Variants in VPS13B observed in about 807,000 individuals in gnomAD.
VPS13B encodes the protein vacuolar protein sorting 13 homolog B.
VPS13B carries 285 observed loss-of-function variants against 426.4 expected under a neutral mutation model. The observed-to-expected ratio is 0.67, with a 90% CI of 0.61 to 0.74. VPS13B has a LOEUF of 0.74. Among genes scored for constraint, VPS13B ranks in the 30% least tolerant of loss-of-function variants. VPS13B has a pLI of 0.00. For missense variants in VPS13B, 4,537 were observed against 4,782.6 expected (o/e 0.95, Z 1.51); for synonymous variants, 1,676 against 1,676.4 (o/e 1.00, Z 0.01).
intron 21 of VPS13B, among the ~76,000 whole-genome samples, chr8:99,428,848 C>T (rs1233501010): frequency 3.9e-5 from 6 of 151,964 alleles, no homozygotes; most frequent in Admixed American, 2.0e-4. Flanking sequence ...TATTGCGGCA[C>T]TATTCACAAT....
chr8:99,236,539 C>T (rs1279943528), intron 17 of VPS13B, among the ~76,000 whole-genome samples: 2 of 152,144 alleles, frequency 1.3e-5, no homozygotes, highest in African/African-American at 2.4e-5. Context: ...CATGAACTAC[C>T]GTGCCTGACC....
chr8:99,272,082 A>G (rs1818636807), intron 17 of VPS13B, among the ~76,000 whole-genome samples: 3 of 152,176 alleles, frequency 2.0e-5, no homozygotes. Context: ...CTTCTTGAAT[A>G]CCCTAGAGTT....
chr8:99,106,581 A>G (rs1588043697), intron 5 of VPS13B, among the ~76,000 whole-genome samples: 2 of 152,166 alleles, frequency 1.3e-5, no homozygotes, highest in East Asian at 3.8e-4. Flanking sequence ...TGCTTGTTGT[A>G]CATATACTCA....
At chr8:99,230,200 G>GA (rs1419889284) in intron 17 of VPS13B, among the ~76,000 whole-genome samples, 1 of 151,956 alleles carries the variant, frequency 6.6e-6, no homozygotes, top group African/African-American at 2.4e-5. Flanking sequence ...TCATAGCTCT[G>GA]AAAAAAGTAA....
chr8:99,784,410 T>C lies in VPS13B; in HGVS notation c.7875T>C (p.Asp2625=). 1 of 1,613,774 alleles carries C rather than the reference T, an allele frequency of 6.2e-7. No individual in the cohort carries two copies. The highest frequency in any genetic ancestry group is 8.5e-7 in the Non-Finnish European group (1 of 1,179,722). ...TGCGGTTTGGCCAGGTGGATACTGA[T>C]GAAAATATTCTGCTGGCGAGTCTCC... is the stretch of plus-strand genomic sequence containing the variant. The part of the protein sequence containing the change: ...ETLRFGQVDT[D]ENILLASLHS... Residue 2625 remains aspartate (D), a synonymous_variant, in exon 43 of 62, where the codon GAT becomes GAC. Coordinates refer to ENST00000357162, the MANE Select transcript of VPS13B (RefSeq NM_152564.5).
At chr8:99,515,589 A>T (rs576434080) in intron 29 of VPS13B, among the ~76,000 whole-genome samples, 1 of 152,184 alleles carries the variant, frequency 6.6e-6, no homozygotes, top group African/African-American at 2.4e-5. Context: ...TGGAAAACAT[A>T]ATTTCTTTTG....
rs754404502 is a variant in VPS13B at position 99,875,422 on chromosome 8, A to T, written c.11750A>T (p.Asp3917Val). ...TTTATTATTTTTGGATCCTAGGTAG[A>T]TGGAGTCCGAGAGAGACTGTCAGAG... is the stretch of plus-strand genomic sequence containing the variant. ...QPRVACDVEV[D>V]GVRERLSEQQ... is the part of the protein sequence containing the mutation. The change falls in exon 62 of 62, where the codon GAT becomes GTT. Residue 3917 changes from aspartate (D) to valine (V), a missense_variant. Coordinates refer to ENST00000357162, the MANE Select transcript of VPS13B (RefSeq NM_152564.5). 19 of 1,614,060 alleles carry T rather than the reference A, an allele frequency of 1.2e-5. No individual in the cohort carries two copies. In the South Asian group the frequency reaches 1.5e-4, roughly 13 times the overall value.
chr8:99,160,836 C>T (rs1166797722), intron 15 of VPS13B, among the ~76,000 whole-genome samples: 1 of 152,088 alleles, frequency 6.6e-6, no homozygotes, highest in African/African-American at 2.4e-5. Context: ...TTTTAGATCA[C>T]CTGCAGGTGT....
At chr8:99,254,037 C>G (rs941703779) in intron 17 of VPS13B, among the ~76,000 whole-genome samples, 1 of 152,130 alleles carries the variant, frequency 6.6e-6, no homozygotes, top group African/African-American at 2.4e-5. Flanking sequence ...TCATGGAGAA[C>G]CATATCAGAT....
At chr8:99,808,502 G>A (rs1813523132) in intron 43 of VPS13B, among the ~76,000 whole-genome samples, 1 of 132,394 alleles carries the variant, frequency 7.6e-6, no homozygotes, top group Non-Finnish European at 1.6e-5. Context: ...GCAACAGAGC[G>A]AGACTCAAAA....
chr8:99,764,018 G>T (rs1811077545), intron 39 of VPS13B, among the ~76,000 whole-genome samples: 1 of 152,206 alleles, frequency 6.6e-6, no homozygotes, highest in African/African-American at 2.4e-5. Flanking sequence ...ATTTAGGAAA[G>T]AAAGGTTAGG....
At chr8:99,274,854 C>T (rs906518448) in intron 18 of VPS13B, among the ~76,000 whole-genome samples, 59 of 151,818 alleles carry the variant, frequency 3.9e-4, no homozygotes, top group African/African-American at 1.3e-3. Context: ...TTAGTTGTTT[C>T]CTTTTATAAG....
intron 16 of VPS13B, among the ~76,000 whole-genome samples, chr8:99,185,056 G>A (rs865947236): frequency 1.3e-5 from 2 of 152,318 alleles, no homozygotes; most frequent in Middle Eastern, 6.8e-3. Context: ...CACTGCTGAC[G>A]AATGTGAAAA....
intron 3 of VPS13B, among the ~76,000 whole-genome samples, chr8:99,087,199 T>A (rs1476460848): frequency 6.6e-6 from 1 of 152,124 alleles, no homozygotes; most frequent in Admixed American, 6.5e-5. Flanking sequence ...TGCAGTTTGA[T>A]CTCAGACTGC....
intron 42 of VPS13B, among the ~76,000 whole-genome samples, chr8:99,782,263 G>A (rs1005780921): frequency 4.6e-5 from 7 of 151,696 alleles, no homozygotes; most frequent in Middle Eastern, 3.4e-3. Flanking sequence ...CAAAGTTTTC[G>A]TTTGTTTATT....
At chr8:99,469,810 G>A (rs1819304749) in intron 24 of VPS13B, among the ~76,000 whole-genome samples, 1 of 152,096 alleles carries the variant, frequency 6.6e-6, no homozygotes, top group South Asian at 2.1e-4. Flanking sequence ...AATGTGACTG[G>A]TATCCTTATA....
At chr8:99,285,355 A>C (rs1203431242) in intron 19 of VPS13B, among the ~76,000 whole-genome samples, 1 of 152,170 alleles carries the variant, frequency 6.6e-6, no homozygotes, top group Non-Finnish European at 1.5e-5. Context: ...AGTTTCCCTC[A>C]TTTATATAGC....
intron 17 of VPS13B, among the ~76,000 whole-genome samples, chr8:99,264,182 T>TGA (rs1818187574): frequency 6.6e-6 from 1 of 151,972 alleles, no homozygotes; most frequent in Admixed American, 6.6e-5. Context: ...TTCAGGTGTG[T>TGA]GAGATAATTA....
intron 19 of VPS13B, 97 bp from the exon 20 acceptor site, chr8:99,384,111 C>A: frequency 2.0e-6 from 2 of 995,208 alleles, no homozygotes; most frequent in Non-Finnish European, 3.2e-6. Context: ...TACTGTTTGT[C>A]TGTTATGTCA....
Sources: gnomAD v4.1 joint callset for allele counts (sites outside exome capture counted in the v4.1 genomes callset) on GRCh38, gnomAD v4.1.1 for gene constraint, MANE v1.5 for transcripts, NCBI Gene and HGNC (gene_info 2026-07-23, HGNC 2026-07-21) for gene names.